The following FOXP1 variants were observed in gnomAD, a reference collection of about 807,000 sequenced individuals.
The protein encoded by FOXP1 is forkhead box P1, also known as forkhead box protein P1.
A neutral mutation model predicts 98.2 loss-of-function variants in FOXP1; 15 were observed. That is an observed-to-expected ratio of 0.15 (90% CI 0.10 to 0.24). The LOEUF (loss-of-function observed/expected upper bound fraction) is 0.24. Ranked by LOEUF, FOXP1 falls within the 10% of genes least tolerant of loss-of-function variation. The probability of loss-of-function intolerance (pLI) is 1.00; values close to 1 mark genes in which losing one functional copy is unlikely to be tolerated. For synonymous variants in FOXP1, 371 were observed against 314.5 expected (o/e 1.18, Z -1.90); for missense variants, 633 against 848.5 (o/e 0.75, Z 3.15).
intron 5 of FOXP1, among the ~76,000 whole-genome samples, chr3:71,260,840 C>T (rs1242214460): frequency 7.2e-5 from 11 of 152,098 alleles, no homozygotes; most frequent in Admixed American, 7.2e-4. Context: ...CCACGCCCGG[C>T]CTACAGTTCT....
At chr3:71,067,938 A>AT (rs201110916) in intron 7 of FOXP1, among the ~76,000 whole-genome samples, 111 of 151,042 alleles carry the variant, frequency 7.3e-4, no homozygotes, top group East Asian at 7.1e-3. Flanking sequence ...ATAAAATAAA[A>AT]AAAAAATATA....
rs148709116 is a variant in FOXP1 at position 71,322,063 on chromosome 3, T to C, written c.-72-22183A>G. On this transcript the variant is annotated intron_variant, in intron 4 of 20. Coordinates refer to ENST00000649528, the MANE Select transcript of FOXP1 (RefSeq NM_001349338.3). ...TATACTCATAAGCAGGATTTTTATT[T>C]GTATATGTGTAGAGAGGTGTATAAA... 3.9e-3 allele frequency among the ~76,000 whole-genome samples: 597 copies of C among 152,380 alleles called. 1 individual carries two copies. The highest frequency in any genetic ancestry group is 6.5e-3 in the Non-Finnish European group (442 of 68,044).
intron 3 of FOXP1, among the ~76,000 whole-genome samples, chr3:71,415,715 T>C (rs1378875830): frequency 1.3e-5 from 2 of 152,076 alleles, no homozygotes; most frequent in South Asian, 2.1e-4. Context: ...TTTTTTTTTT[T>C]TTCTATTAAG....
chr3:71,251,346 CT>C (rs1187177715), intron 5 of FOXP1, among the ~76,000 whole-genome samples: 4 of 152,212 alleles, frequency 2.6e-5, no homozygotes, highest in South Asian at 4.1e-4. Flanking sequence ...TGTCCCTCCC[CT>C]GAAAAACCCA....
At chr3:70,979,432 C>CAGAAATATTAT (rs1472522160) in intron 14 of FOXP1, among the ~76,000 whole-genome samples, 4 of 150,986 alleles carry the variant, frequency 2.6e-5, no homozygotes, top group African/African-American at 9.8e-5. Flanking sequence ...TTTGTTGCAA[C>CAGAAATATTAT]AGAAATATTA....
chr3:71,330,847 C>T (rs1278014318), intron 4 of FOXP1, among the ~76,000 whole-genome samples: 1 of 152,210 alleles, frequency 6.6e-6, no homozygotes, highest in Admixed American at 6.5e-5. Flanking sequence ...TGAGTCCCCA[C>T]ATAAAAACAT....
chr3:71,213,584 G>A (rs1224168003), intron 5 of FOXP1, among the ~76,000 whole-genome samples: 6 of 152,272 alleles, frequency 3.9e-5, no homozygotes, highest in East Asian at 1.9e-4. Context: ...TTGAGAGGCC[G>A]AGGCAGGCGG....
intron 5 of FOXP1, among the ~76,000 whole-genome samples, chr3:71,267,020 C>A (rs2069741792): frequency 6.6e-6 from 1 of 152,050 alleles, no homozygotes; most frequent in Non-Finnish European, 1.5e-5. Flanking sequence ...AGAACTTGAA[C>A]CTGCAGATCC....
chr3:71,478,520 G>C (rs1351756553), intron 3 of FOXP1, among the ~76,000 whole-genome samples: 1 of 152,198 alleles, frequency 6.6e-6, no homozygotes, highest in Admixed American at 6.5e-5. Flanking sequence ...AAGAATGAGA[G>C]TGGCAAGGAG....
At chr3:71,371,726 C>T (rs1007904087) in intron 3 of FOXP1, among the ~76,000 whole-genome samples, 6 of 152,290 alleles carry the variant, frequency 3.9e-5, no homozygotes, top group Non-Finnish European at 7.3e-5. Context: ...GAATTTGAGG[C>T]TGCGGGGAGC....
chr3:71,479,690 AAAAGAAAAGAAAAG>A (rs2090123598), intron 3 of FOXP1, among the ~76,000 whole-genome samples: 1 of 149,968 alleles, frequency 6.7e-6, no homozygotes, highest in Non-Finnish European at 1.5e-5. Flanking sequence ...AAAAAAAAAA[AAAAGAAAAGAAAAG>A]AAAAGAAAAA....
intron 5 of FOXP1, among the ~76,000 whole-genome samples, chr3:71,226,786 A>T (rs1161731495): frequency 3.3e-5 from 5 of 150,688 alleles, no homozygotes; most frequent in Non-Finnish European, 7.4e-5. Flanking sequence ...TCTTTTGCTC[A>T]CTCCCCGCAC....
chr3:71,396,918 G>A (rs75274895), intron 3 of FOXP1, among the ~76,000 whole-genome samples: 3,950 of 56,386 alleles, frequency 0.07, 496 homozygotes, highest in African/African-American at 0.11. Flanking sequence ...ATATATGTGT[G>A]TATATATATA....
intron 5 of FOXP1, among the ~76,000 whole-genome samples, chr3:71,226,716 C>T (rs1189253831): frequency 6.6e-6 from 1 of 151,966 alleles, no homozygotes; most frequent in Non-Finnish European, 1.5e-5. Context: ...CTCTGCTTGT[C>T]ATTTTCCTCT....
rs578037943 is a variant in FOXP1, at chr3:71,025,184, CT to C, written c.870-9532del. ...AAAATGGAGAATGGCAGGAGAATGA[CT>C]CAAAGAATGTTGACTGGGCCCTAAG... is the stretch of plus-strand genomic sequence containing the variant. On this transcript the variant is annotated intron_variant, in intron 11 of 20. Coordinates refer to ENST00000649528, the MANE Select transcript of FOXP1 (RefSeq NM_001349338.3). 1.7e-4 allele frequency among the ~76,000 whole-genome samples: 26 copies of C among 152,236 alleles called. No individual in the cohort carries two copies. The East Asian group carries it at 4.8e-3, about 28-fold the overall frequency.
intron 6 of FOXP1, among the ~76,000 whole-genome samples, chr3:71,171,828 T>C (rs940261718): frequency 6.6e-6 from 1 of 152,242 alleles, no homozygotes; most frequent in African/African-American, 2.4e-5. Flanking sequence ...TCTTTAACCC[T>C]ATCTTACAGA....
intron 6 of FOXP1, among the ~76,000 whole-genome samples, chr3:71,113,662 G>A (rs999991852): frequency 2.8e-5 from 4 of 145,162 alleles, no homozygotes; most frequent in Non-Finnish European, 4.5e-5. Context: ...AGGGTAAGTC[G>A]AGATCGCACC....
chr3:71,353,105 A>C (rs1339188607), intron 4 of FOXP1, among the ~76,000 whole-genome samples: 2 of 152,184 alleles, frequency 1.3e-5, no homozygotes, highest in East Asian at 3.9e-4. Context: ...GGCATTAAAA[A>C]ATTCAGCCCT....
intron 6 of FOXP1, among the ~76,000 whole-genome samples, chr3:71,172,118 C>G (rs577655173): frequency 1.3e-5 from 2 of 152,078 alleles, no homozygotes; most frequent in African/African-American, 2.4e-5. Flanking sequence ...TCATGGATAT[C>G]GTGGCTTTTG....
Sources: gnomAD v4.1 joint callset for allele counts (sites outside exome capture counted in the v4.1 genomes callset) on GRCh38, gnomAD v4.1.1 for gene constraint, MANE v1.5 for transcripts, NCBI Gene and HGNC (gene_info 2026-07-23, HGNC 2026-07-21) for gene names.